Variants in RSBN1 observed in about 807,000 individuals in gnomAD.
RSBN1 encodes lysine-specific demethylase 9.
A neutral mutation model predicts 74.8 loss-of-function variants in RSBN1; 23 were observed. That is an observed-to-expected ratio of 0.31 (90% confidence interval 0.22 to 0.44). RSBN1 has a LOEUF of 0.44. Ranked by LOEUF, RSBN1 falls within the 20% of genes least tolerant of loss-of-function variation. The pLI is 1.00. For missense variants in RSBN1, 808 were observed against 1,020.9 expected (o/e 0.79, Z 2.84); for synonymous variants, 407 against 379.6 (o/e 1.07, Z -0.84).
intron 5 of RSBN1, among the ~76,000 whole-genome samples, chr1:113,767,554 A>G (rs910156757): frequency 1.3e-5 from 2 of 152,320 alleles, no homozygotes; most frequent in East Asian, 3.9e-4. Flanking sequence ...ACTGTGGACA[A>G]CAGTCTGGTA....
intron 2 of RSBN1, among the ~76,000 whole-genome samples, chr1:113,787,840 T>A (rs1326237120): frequency 1.3e-5 from 2 of 152,274 alleles, no homozygotes; most frequent in Middle Eastern, 3.4e-3. Flanking sequence ...ACATTCCCTA[T>A]CCAGTCTTCA....
chr1:113,769,770 G>A (rs993093300), intron 4 of RSBN1, among the ~76,000 whole-genome samples: 1 of 152,180 alleles, frequency 6.6e-6, no homozygotes, highest in African/African-American at 2.4e-5. Context: ...CAGCAGACCT[G>A]CCCAACAGAC....
At chr1:113,796,934 C>G (rs576134319) in intron 2 of RSBN1, among the ~76,000 whole-genome samples, 1 of 152,166 alleles carries the variant, frequency 6.6e-6, no homozygotes, top group Non-Finnish European at 1.5e-5. Context: ...GGACTGCCAA[C>G]AAGTTACTGA....
rs116550343 is a variant in RSBN1 at position 113,780,676 on chromosome 1, G to A, written c.1378-2868C>T. Among the ~76,000 whole-genome samples the A allele has an allele frequency of 2.1e-3, 316 of 152,282 alleles. 1 individual carries two copies. The highest frequency in any genetic ancestry group is 4.9e-3 in the Admixed American group (75 of 15,302). ...GCTTCTCATCTTACGAGGATCTTCA[G>A]GTTCACACCTTTGTGTGAGTACCAA... On this transcript the variant is annotated intron_variant, in intron 2 of 6. Coordinates refer to ENST00000261441, the MANE Select transcript of RSBN1 (RefSeq NM_018364.5).
intron 2 of RSBN1, among the ~76,000 whole-genome samples, chr1:113,788,883 G>T (rs999383361): frequency 6.8e-6 from 1 of 147,838 alleles, no homozygotes; most frequent in South Asian, 2.1e-4. Flanking sequence ...CCCCCACCCC[G>T]ACCCAAAAAA....
Position 113,797,648 on chromosome 1 carries a change from G to A in RSBN1, c.1092C>T (p.His364=), listed in dbSNP as rs891765435. ...GGACAAGAGCACCACCATTGGACTG[G>A]TGTTCCTCATGAATAAAGTTGCTAA... ...TKFSNFIHEE[H]QSNGGALVLH... is the part of the protein sequence containing the mutation. The change falls in exon 2 of 7, where the codon CAC becomes CAT. Residue 364 remains histidine (H), a synonymous_variant. Coordinates refer to ENST00000261441, the MANE Select transcript of RSBN1 (RefSeq NM_018364.5). 7 of 1,614,038 alleles carry A rather than the reference G, an allele frequency of 4.3e-6. No homozygotes were observed. The highest frequency in any genetic ancestry group is 5.9e-6 in the Non-Finnish European group (7 of 1,179,986).
At chr1:113,791,128 G>A (rs1660356275) in intron 2 of RSBN1, among the ~76,000 whole-genome samples, 1 of 152,138 alleles carries the variant, frequency 6.6e-6, no homozygotes, top group Admixed American at 6.6e-5. Flanking sequence ...AGCTGCCATG[G>A]AAGCAGGAGA....
intron 6 of RSBN1, 118 bp downstream of exon 6, chr1:113,766,981 C>A (rs1571292446): frequency 1.4e-4 from 69 of 494,914 alleles, no homozygotes; most frequent in Non-Finnish European, 1.8e-4. Context: ...CAGTCTTTAA[C>A]AGTAATAAAA....
intron 2 of RSBN1, among the ~76,000 whole-genome samples, chr1:113,780,203 T>C (rs1483639012): frequency 6.6e-6 from 1 of 152,178 alleles, no homozygotes; most frequent in Non-Finnish European, 1.5e-5. Flanking sequence ...TTAAGACCTA[T>C]CCTAATTTAA....
chr1:113,788,564 A>T (rs1660303763), intron 2 of RSBN1, among the ~76,000 whole-genome samples: 1 of 152,218 alleles, frequency 6.6e-6, no homozygotes, highest in African/African-American at 2.4e-5. Context: ...ACAGCTAAAA[A>T]AAATCAGGAA....
chr1:113,774,543 A>G (rs1015408881), intron 4 of RSBN1, among the ~76,000 whole-genome samples: 1 of 151,896 alleles, frequency 6.6e-6, no homozygotes, highest in African/African-American at 2.4e-5. Flanking sequence ...CGGGCATCAT[A>G]GCGGGAGGCT....
chr1:113,799,921 AC>A (rs1660548222), intron 1 of RSBN1, among the ~76,000 whole-genome samples: 1 of 152,166 alleles, frequency 6.6e-6, no homozygotes, highest in Non-Finnish European at 1.5e-5. Flanking sequence ...CATAGAATTT[AC>A]CCACCAAACA....
rs369967275 is a variant in RSBN1 at position 113,811,917 on chromosome 1, T to C, written c.496A>G (p.Ser166Gly). ...GAGAAGGTGAAGAGGGCCGAGGTGC[T>C]TGGGGCCGGGAGAGGGGCAGCGACA... Reference protein sequence around the residue: ...PAVAAPLPAPSTSALFTFSPL... With the variant: ...PAVAAPLPAPGTSALFTFSPL... Residue 166 changes from serine (S) to glycine (G), a missense_variant, in exon 1 of 7, where the codon AGC (serine) becomes GGC (glycine). Physicochemically the swap from Ser to Gly is moderately conservative, Grantham distance 56. Transcript: ENST00000261441. 1.2e-6 allele frequency: 2 copies of C among 1,607,046 alleles called. No individual in the cohort carries two copies. The highest frequency in any genetic ancestry group is 1.3e-5 in the African/African-American group (1 of 74,682).
chr1:113,773,939 G>C (rs964127033), intron 4 of RSBN1, among the ~76,000 whole-genome samples: 2 of 152,020 alleles, frequency 1.3e-5, no homozygotes, highest in Non-Finnish European at 2.9e-5. Context: ...GGAGGCGGAG[G>C]TTGCAGTGAG....
intron 1 of RSBN1, among the ~76,000 whole-genome samples, chr1:113,801,181 C>G (rs1660577756): frequency 1.3e-5 from 2 of 152,062 alleles, no homozygotes; most frequent in Admixed American, 1.3e-4. Context: ...CAGGGTTTCA[C>G]CATGTTGGCC....
intron 4 of RSBN1, among the ~76,000 whole-genome samples, chr1:113,774,209 T>C (rs1404939156): frequency 6.6e-6 from 1 of 152,106 alleles, no homozygotes; most frequent in African/African-American, 2.4e-5. Flanking sequence ...TAACGTGACA[T>C]CACGCAATGT....
At chr1:113,771,478 C>G (rs1179361137) in intron 4 of RSBN1, among the ~76,000 whole-genome samples, 1 of 149,962 alleles carries the variant, frequency 6.7e-6, no homozygotes, top group East Asian at 1.9e-4. Flanking sequence ...ATAGGCAGAA[C>G]ACAGAGTTCC....
chr1:113,812,024 G>T lies in RSBN1; in HGVS notation c.389C>A (p.Ala130Glu). 6.5e-7 allele frequency: 1 copy of T among 1,532,010 alleles called. No homozygotes were observed. 94.9% of individuals were successfully genotyped at this position (1,532,010 alleles called of 1,614,324 possible). ...AACAGGGCCTGGGACAGTTGGGGCTGCATTCGTTGGCGGCAGCGGCCCAGG... is the reference window on the plus strand; with the variant it reads ...AACAGGGCCTGGGACAGTTGGGGCTTCATTCGTTGGCGGCAGCGGCCCAGG... ...QHPGPLPPTN[A>E]APTVPGPVEP... The change falls in exon 1 of 7, where the codon GCA becomes GAA. Residue 130 changes from alanine (A) to glutamate (E), a missense_variant. Ala to Glu is a moderately radical substitution (Grantham distance 107). This residue lies in a region of RSBN1 where 464 missense variants were observed against 401.0 expected (regional missense o/e 1.16). Transcript: ENST00000261441.
intron 1 of RSBN1, among the ~76,000 whole-genome samples, chr1:113,811,341 C>T (rs527901355): frequency 6.6e-6 from 1 of 152,286 alleles, no homozygotes; most frequent in African/African-American, 2.4e-5. Flanking sequence ...AACTAAAGCT[C>T]TCCAGCAAGC....
Sources: allele counts gnomAD v4.1 joint callset (sites outside exome capture counted in the v4.1 genomes callset), GRCh38; gene constraint gnomAD v4.1.1; regional missense constraint gnomAD v4.1.1; transcripts MANE v1.5; gene names NCBI Gene and HGNC (gene_info 2026-07-23, HGNC 2026-07-21).